Variants in MPC1 observed in about 807,000 individuals in gnomAD.
The protein encoded by MPC1 is HSPC040 protein.
In MPC1, 6 loss-of-function variants were observed where a neutral mutation model predicts 13.9. The ratio of observed to expected loss-of-function variants is 0.43; its 90% confidence interval spans 0.24 to 0.85. MPC1 has a LOEUF of 0.85. Ranked by LOEUF, MPC1 falls within the 40% of genes least tolerant of loss-of-function variation. MPC1 has a pLI of 0.24. For missense variants in MPC1, 115 were observed against 143.3 expected, an observed-to-expected ratio of 0.80 and a Z score of 1.01; for synonymous variants, 47 against 50.5, an observed-to-expected ratio of 0.93 and a Z score of 0.29.
Position 166,365,958 on chromosome 6 carries a change from A to G in MPC1, c.305+16T>C. ...AAATTCCTGAAAAGAAAGTAACTAA[A>G]TTGAAATCTGCTTACTCGTGTTTGA... On this transcript the variant is annotated intron_variant, in intron 4 of 4. Transcript: ENST00000360961. The surrounding 1 kb of genome is among the most constrained non-coding windows in gnomAD (Gnocchi z 4.2). The G allele has an allele frequency of 6.2e-7, 1 of 1,604,366 alleles. No individual in the cohort carries two copies. The highest frequency in any genetic ancestry group is 1.1e-5 in the South Asian group (1 of 90,372).
intron 2 of MPC1, chr6:166,368,909 T>C: frequency 1.0e-6 from 1 of 985,460 alleles, no homozygotes; most frequent in Non-Finnish European, 1.2e-6. Flanking sequence ...GGTGTTGCTG[T>C]CTACTTTATC....
In MPC1 at chr6:166,372,992, A is replaced by G. The variant is rs563131832; in HGVS notation, c.72-2771T>C. Among the ~76,000 whole-genome samples the G allele has an allele frequency of 5.3e-5, 8 of 152,282 alleles. No homozygotes were observed. In the South Asian group the frequency reaches 1.0e-3, roughly 20 times the overall value. On this transcript the variant is annotated intron_variant, in intron 1 of 4. Coordinates refer to ENST00000360961, the MANE Select transcript of MPC1 (RefSeq NM_016098.4). ...AGTATTCTGTTTTTTTAAAAAATAA[A>G]CTTAATTTTTCAGAAAAGTTTTAGG...
In MPC1 at chr6:166,378,957, T is replaced by C. The variant is rs891557537; in HGVS notation, c.71+3849A>G. 3.3e-5 allele frequency among the ~76,000 whole-genome samples: 5 copies of C among 152,370 alleles called. 1 individual carries two copies. The East Asian group carries it at 7.7e-4, about 23-fold the overall frequency. ...CAAGAGCTGGGCTTCAAATCCATCA[T>C]TCAAACTCATCACCTAGGTTTAACG... On this transcript the variant is annotated intron_variant, in intron 1 of 4. Transcript: ENST00000360961.
At chr6:166,369,640 G>A (rs932755564) in intron 2 of MPC1, among the ~76,000 whole-genome samples, 6 of 152,096 alleles carry the variant, frequency 3.9e-5, no homozygotes, top group African/African-American at 1.4e-4. Flanking sequence ...CAATATTCTA[G>A]TTCTCTCTTC....
In MPC1 at chr6:166,381,843, A is replaced by T. The variant is rs1208045017; in HGVS notation, c.71+963T>A. 4 of 982,148 alleles carry T rather than the reference A, an allele frequency of 4.1e-6. No individual in the cohort carries two copies. The African/African-American group carries it at 7.0e-5, about 17-fold the overall frequency. The allele number at this position is 982,148 out of a possible 1,614,324, so 60.8% of individuals were successfully genotyped here. A position where few individuals can be genotyped will look rare whatever the true frequency, so the allele number is the denominator to read the frequency against. On this transcript the variant is annotated intron_variant, in intron 1 of 4. Transcript: ENST00000360961. ...CGTATATAAAAACATCTTAAATTGT[A>T]CTTCCTCCCAAGCTTAAAGTCCTTA...
intron 1 of MPC1, among the ~76,000 whole-genome samples, chr6:166,376,352 A>G (rs898239000): frequency 6.6e-6 from 1 of 152,218 alleles, no homozygotes; most frequent in Non-Finnish European, 1.5e-5. Flanking sequence ...TGAGAACCTG[A>G]AGGACCACTG....
chr6:166,371,055 G>A (rs6905635), intron 1 of MPC1, among the ~76,000 whole-genome samples: 117,031 of 152,140 alleles, frequency 0.77, 45,359 homozygotes, highest in East Asian at 0.96. Flanking sequence ...TCACATTTCA[G>A]GTGATCAGTA....
At chr6:166,371,935 C>G (rs1288100721) in intron 1 of MPC1, among the ~76,000 whole-genome samples, 1 of 152,118 alleles carries the variant, frequency 6.6e-6, no homozygotes, top group African/African-American at 2.4e-5. Context: ...CCCTGAGTGA[C>G]TGAATCCATA....
At position 166,365,497 on chromosome 6, in the gene MPC1, C is replaced by T; in HGVS notation, c.306-44G>A. 1 of 1,516,680 alleles carries T rather than the reference C, an allele frequency of 6.6e-7. No homozygotes were observed. Among genetic ancestry groups the T allele is most frequent in the Non-Finnish European group, 8.9e-7 (1 of 1,122,638 alleles). The allele number at this position is 1,516,680 out of a possible 1,614,324, so 94.0% of individuals were successfully genotyped here. On this transcript the variant is annotated intron_variant, in intron 4 of 4. Transcript: ENST00000360961. The surrounding 1 kb of genome is among the most constrained non-coding windows in gnomAD (Gnocchi z 4.2). The stretch of plus-strand genomic sequence containing the variant: ...AAAAATTCAATGAGAAACAAAATTT[C>T]AATGCCAATCGCAAGGGCTTTGGAT...
In MPC1 at chr6:166,366,122, G is replaced by C. The variant is rs367661178; in HGVS notation, c.173-16C>G. The C allele has an allele frequency of 6.2e-7, 1 of 1,610,312 alleles. No individual in the cohort carries two copies. Among genetic ancestry groups the C allele is most frequent in the African/African-American group, 1.3e-5 (1 of 74,808 alleles). ...CAACAGAGGGCTGCCAAAAATAGCAGAGCAAAGACAATCAATAACTTAGAA... is the reference window on the plus strand; with the variant it reads ...CAACAGAGGGCTGCCAAAAATAGCACAGCAAAGACAATCAATAACTTAGAA... On this transcript the variant is annotated splice_polypyrimidine_tract_variant and intron_variant, in intron 3 of 4. Coordinates refer to ENST00000360961, the MANE Select transcript of MPC1 (RefSeq NM_016098.4).
At position 166,382,734 on chromosome 6, in the gene MPC1, C is replaced by T. The variant is rs562340889; in HGVS notation, c.71+72G>A. On this transcript the variant is annotated intron_variant, in intron 1 of 4. Coordinates refer to ENST00000360961, the MANE Select transcript of MPC1 (RefSeq NM_016098.4). ...ACCGCGTCCTCGCGGCCGCCCTCGT[C>T]GCGGACTGCACGGGTCGCAGCCTCC... is the stretch of plus-strand genomic sequence containing the variant. The T allele has an allele frequency of 2.3e-3, 3,347 of 1,455,022 alleles. 7 individuals are homozygous for T. Among genetic ancestry groups the T allele is most frequent in the Non-Finnish European group, 2.9e-3 (3,184 of 1,093,030 alleles). The allele number at this position is 1,455,022 out of a possible 1,614,324, so 90.1% of individuals were successfully genotyped here.
chr6:166,369,490 A>G (rs1244053009), intron 2 of MPC1: 2 of 157,548 alleles, frequency 1.3e-5, no homozygotes, highest in African/African-American at 2.4e-5. Flanking sequence ...AGAACTATAC[A>G]TACACTTATG....
chr6:166,372,381 A>G (rs982985784), intron 1 of MPC1, among the ~76,000 whole-genome samples: 8 of 152,220 alleles, frequency 5.3e-5, no homozygotes, highest in Non-Finnish European at 7.3e-5. Context: ...CAAATGTATG[A>G]GAATAAGGGA....
At chr6:166,372,240 T>C (rs949821897) in intron 1 of MPC1, among the ~76,000 whole-genome samples, 1 of 152,184 alleles carries the variant, frequency 6.6e-6, no homozygotes, top group African/African-American at 2.4e-5. Context: ...ATTTTTTCCC[T>C]ATAAAAATAT....
intron 1 of MPC1, among the ~76,000 whole-genome samples, chr6:166,378,490 G>A (rs925816131): frequency 4.6e-5 from 7 of 151,968 alleles, no homozygotes; most frequent in Non-Finnish European, 8.8e-5. Context: ...AGAGGAATAA[G>A]TCGCTAGAAT....
chr6:166,376,196 T>A (rs902793305), intron 1 of MPC1, among the ~76,000 whole-genome samples: 3 of 152,088 alleles, frequency 2.0e-5, no homozygotes, highest in African/African-American at 7.2e-5. Context: ...ATATAATTTT[T>A]AATGGAAATT....
chr6:166,381,731 C>T, intron 1 of MPC1: 3 of 810,312 alleles, frequency 3.7e-6, no homozygotes, highest in Non-Finnish European at 4.5e-6. Context: ...TTGTTTCTAA[C>T]TGGAAAGGAG....
Position 166,366,783 on chromosome 6 carries a change from C to T in MPC1, c.172+12G>A. 6.2e-7 allele frequency: 1 copy of T among 1,612,824 alleles called. No homozygotes were observed. The highest frequency in any genetic ancestry group is 1.1e-5 in the South Asian group (1 of 91,052). On this transcript the variant is annotated intron_variant, in intron 3 of 4. Coordinates refer to ENST00000360961, the MANE Select transcript of MPC1 (RefSeq NM_016098.4). ...TGAAAGTCCTCCCAATTATCCAAATCTGCATTCTTACCAAATGTCATCCGC... is the reference window on the plus strand; with the variant it reads ...TGAAAGTCCTCCCAATTATCCAAATTTGCATTCTTACCAAATGTCATCCGC...
chr6:166,378,981 C>T (rs1295222456), intron 1 of MPC1, among the ~76,000 whole-genome samples: 5 of 152,132 alleles, frequency 3.3e-5, no homozygotes, highest in Non-Finnish European at 5.9e-5. Context: ...CTAGGTTTAA[C>T]GGTATTATTA....
Sources: allele counts gnomAD v4.1 joint callset (sites outside exome capture counted in the v4.1 genomes callset), GRCh38; gene constraint gnomAD v4.1.1; non-coding constraint Gnocchi (gnomAD v3.1); transcripts MANE v1.5; gene names NCBI Gene and HGNC (gene_info 2026-07-23, HGNC 2026-07-21).